CTSZ: variants seen among roughly 807,000 people sequenced by gnomAD.
CTSZ encodes cathepsin Z, also known as carboxypeptidase LB.
CTSZ carries 39 observed loss-of-function variants against 32.4 expected under a neutral mutation model. The observed-to-expected ratio is 1.20, with a 90% CI of 0.93 to 1.57. CTSZ has a LOEUF of 1.57. Ranked by LOEUF, CTSZ falls within the 40% of genes most tolerant of loss-of-function variation. The pLI, the probability that CTSZ is intolerant of heterozygous loss-of-function variation, is 0.00. For synonymous variants in CTSZ, 168 were observed against 170.1 expected (o/e 0.99, Z 0.10); for missense variants, 397 against 419.6 (o/e 0.95, Z 0.47).
intron 3 of CTSZ, among the ~76,000 whole-genome samples, chr20:59,000,247 G>T (rs1053092177): frequency 1.3e-5 from 2 of 151,824 alleles, no homozygotes; most frequent in African/African-American, 4.8e-5. Context: ...GCGTGGTGGC[G>T]CATGCCTGTA....
At position 59,002,791 on chromosome 20, in the gene CTSZ, A is replaced by G. The variant is rs1383855996; in HGVS notation, c.308-1147T>C. 4.6e-5 allele frequency among the ~76,000 whole-genome samples: 7 copies of G among 151,498 alleles called. No individual in the cohort carries two copies. The highest frequency in any genetic ancestry group is 1.7e-4 in the African/African-American group (7 of 41,194). On this transcript the variant is annotated intron_variant, in intron 2 of 5. Coordinates refer to ENST00000217131, the MANE Select transcript of CTSZ (RefSeq NM_001336.4). This position sits in a 1 kb window ranked among gnomAD's most constrained non-coding sequence, Gnocchi z 4.1. ...GCCGGTGGCTGGTTTGTCCCCTCCC[A>G]CCTGACCGACCCACCCTAGGTTCCA...
chr20:59,001,580 G>C lies in CTSZ; in HGVS notation c.372C>G (p.Ile124Met). ...CACAGGAGCCAGCGTTACCGCAGTCGATGACGTTCTGCACGGACAGGAGGG... is the reference window on the plus strand; with the variant it reads ...CACAGGAGCCAGCGTTACCGCAGTCCATGACGTTCTGCACGGACAGGAGGG... ...PSTLLSVQNVIDCGNAGSCEG... is the reference protein window; with the variant it reads ...PSTLLSVQNVMDCGNAGSCEG... The change falls in exon 3 of 6, where the codon ATC (isoleucine) becomes ATG (methionine). Residue 124 changes from isoleucine (I) to methionine (M), a missense_variant. By Grantham distance (10) the Ile-to-Met change is conservative. Transcript: ENST00000217131. The C allele has an allele frequency of 6.2e-7, 1 of 1,614,202 alleles. No homozygotes were observed. Among genetic ancestry groups the C allele is most frequent in the Non-Finnish European group, 8.5e-7 (1 of 1,180,022 alleles).
rs1039046428 is a variant in CTSZ, at chr20:59,006,374, G to A, written c.255C>T (p.Ile85=). 1 of 1,613,780 alleles carries A rather than the reference G, an allele frequency of 6.2e-7. No homozygotes were observed. The highest frequency in any genetic ancestry group is 8.5e-7 in the Non-Finnish European group (1 of 1,180,018). Residue 85 remains isoleucine, a synonymous_variant, in exon 2 of 6, where the codon ATC becomes ATT. Coordinates refer to ENST00000217131, the MANE Select transcript of CTSZ (RefSeq NM_001336.4). ...CCCAGCAGGAGCCGCAGTATTGGGG[G>A]ATGTGCTGGTTCCGGGTGATGCTGG... ...NYASITRNQH[I]PQYCGSCWAH...
chr20:59,005,769 C>T (rs753697015), intron 2 of CTSZ, among the ~76,000 whole-genome samples: 1 of 152,190 alleles, frequency 6.6e-6, no homozygotes, highest in East Asian at 1.9e-4. Flanking sequence ...TCTCCCAAAG[C>T]AGGGTGCAGC....
At chr20:59,000,290 A>C (rs2091883594) in intron 3 of CTSZ, among the ~76,000 whole-genome samples, 1 of 150,862 alleles carries the variant, frequency 6.6e-6, no homozygotes, top group Non-Finnish European at 1.5e-5. Flanking sequence ...AGGCAGGAGA[A>C]TCACTCAAAC....
Position 58,995,754 on chromosome 20 carries a change from C to T in CTSZ, c.807G>A (p.Glu269=). 1 of 1,614,068 alleles carries T rather than the reference C, an allele frequency of 6.2e-7. No individual in the cohort carries two copies. Among genetic ancestry groups the T allele is most frequent in the Non-Finnish European group, 8.5e-7 (1 of 1,179,980 alleles). The change falls in exon 6 of 6, where the codon GAG becomes GAA. Residue 269 remains glutamate, a synonymous_variant. Transcript: ENST00000217131. ...TGGTCACGATCCTCAGCCAGCCTCT[C>T]TCGCCCTGTGAGAAGTGGGATCGCG... is the stretch of plus-strand genomic sequence containing the variant. ...VRNSWGEPWG[E]RGWLRIVTST...
At position 59,004,260 on chromosome 20, in the gene CTSZ, C is replaced by T. The variant is rs1041873893; in HGVS notation, c.307+2062G>A. On this transcript the variant is annotated intron_variant, in intron 2 of 5. Transcript: ENST00000217131. This position sits in a 1 kb window ranked among gnomAD's most constrained non-coding sequence, Gnocchi z 5.6. ...AGCGGGCGAGTGGGCAGGTGGATGT[C>T]AAGCTGAGTTCAGGTGAAGGGTTGG... is the stretch of plus-strand genomic sequence containing the variant. 6.6e-6 allele frequency among the ~76,000 whole-genome samples: 1 copy of T among 151,992 alleles called. No individual in the cohort carries two copies. The highest frequency in any genetic ancestry group is 1.5e-5 in the Non-Finnish European group (1 of 67,996).
chr20:58,997,544 C>A, intron 4 of CTSZ, 59 bp downstream of exon 4: 1 of 1,460,326 alleles, frequency 6.8e-7, no homozygotes, highest in African/African-American at 1.4e-5. Context: ...GACCTTTCCT[C>A]ACCCGCGGGA....
chr20:58,995,824 AGCCCCCT>A, intron 5 of CTSZ, 65 bp from the exon 6 acceptor site: 1 of 1,447,146 alleles, frequency 6.9e-7, no homozygotes, highest in South Asian at 1.2e-5. Context: ...TGCTGCCGTC[AGCCCCCT>A]GCCCCCTGCT....
chr20:58,999,932 G>T (rs1284472094), intron 3 of CTSZ, among the ~76,000 whole-genome samples: 6 of 152,220 alleles, frequency 3.9e-5, no homozygotes, highest in Non-Finnish European at 8.8e-5. Context: ...AGCCGGGCGC[G>T]GTGGCGGGCG....
intron 3 of CTSZ, 127 bp downstream of exon 3, chr20:59,001,338 C>T: frequency 1.8e-6 from 2 of 1,132,606 alleles, no homozygotes; most frequent in Non-Finnish European, 2.5e-6. Context: ...CCTCTGCCCT[C>T]CCGCAGCTCC....
chr20:58,997,603 C>G lies in CTSZ; in HGVS notation c.638G>C (p.Ser213Thr). 6.3e-7 allele frequency: 1 copy of G among 1,584,576 alleles called. No homozygotes were observed. Among genetic ancestry groups the G allele is most frequent in the South Asian group, 1.2e-5 (1 of 86,400 alleles). The change falls in exon 4 of 6, where the codon AGC (serine) becomes ACC (threonine). Residue 213 changes from serine (S) to threonine (T), a missense_variant and splice_region_variant. Coordinates refer to ENST00000217131, the MANE Select transcript of CTSZ (RefSeq NM_001336.4). ...MAEIYANGPI[S>T]CGIMATERLA... ...CTTTGCCCGCGGGACCTCTCCTCAC[C>G]TGATGGGACCATTTGCATAGATTTC...
chr20:58,996,492 A>G, intron 5 of CTSZ, 147 bp downstream of exon 5: 1 of 810,100 alleles, frequency 1.2e-6, no homozygotes, highest in Non-Finnish European at 2.0e-6. Context: ...CCCAAAAGCC[A>G]CTCGCGCGGT....
At chr20:58,998,343 C>A (rs1292913929) in intron 3 of CTSZ, among the ~76,000 whole-genome samples, 2 of 151,994 alleles carry the variant, frequency 1.3e-5, no homozygotes, top group Admixed American at 6.5e-5. Flanking sequence ...GAGTTTGAGA[C>A]CAGCCTGGCC....
chr20:59,005,289 C>G (rs2091904788), intron 2 of CTSZ, among the ~76,000 whole-genome samples: 1 of 152,152 alleles, frequency 6.6e-6, no homozygotes, highest in Non-Finnish European at 1.5e-5. Flanking sequence ...GAGCAAGAAC[C>G]CCTCATTCAC....
intron 4 of CTSZ, chr20:58,997,292 C>A: frequency 3.7e-6 from 1 of 267,704 alleles, no homozygotes; most frequent in Non-Finnish European, 7.0e-6. Flanking sequence ...GAAACTGCCC[C>A]CTCGGTACAG....
At chr20:58,999,130 G>A (rs2091876166) in intron 3 of CTSZ, among the ~76,000 whole-genome samples, 1 of 152,062 alleles carries the variant, frequency 6.6e-6, no homozygotes. Flanking sequence ...CTGCCTCCTG[G>A]GTTCAAGTGA....
intron 4 of CTSZ, chr20:58,997,310 C>T (rs769977002): frequency 2.8e-5 from 8 of 285,110 alleles, no homozygotes; most frequent in Admixed American, 1.5e-4. Context: ...CAGCTTGGAG[C>T]GTCTCATCCG....
chr20:59,005,457 G>A (rs1462959868), intron 2 of CTSZ, among the ~76,000 whole-genome samples: 1 of 152,238 alleles, frequency 6.6e-6, no homozygotes, highest in African/African-American at 2.4e-5. Flanking sequence ...GGAGGCGTCA[G>A]TGAGATGGAG....
Sources: allele counts gnomAD v4.1 joint callset (sites outside exome capture counted in the v4.1 genomes callset), GRCh38; gene constraint gnomAD v4.1.1; non-coding constraint Gnocchi (gnomAD v3.1); transcripts MANE v1.5; gene names NCBI Gene and HGNC (gene_info 2026-07-23, HGNC 2026-07-21).